The following NELL1 variants were observed in gnomAD, a reference collection of about 807,000 sequenced individuals.
NELL1 encodes the protein protein kinase C-binding protein NELL1.
NELL1 carries 76 observed loss-of-function variants against 107.4 expected under a neutral mutation model. The observed-to-expected ratio is 0.71, with a 90% CI of 0.59 to 0.86. The LOEUF (loss-of-function observed/expected upper bound fraction) is 0.86, where lower values mean the gene tolerates loss of function less well. Among genes scored for constraint, NELL1 ranks in the 40% least tolerant of loss-of-function variants. The probability of loss-of-function intolerance (pLI) is 0.00; values close to 1 mark genes in which losing one functional copy is unlikely to be tolerated. For synonymous variants in NELL1, 353 were observed against 341.2 expected (o/e 1.03, Z -0.38); for missense variants, 1,024 against 1,005.5 (o/e 1.02, Z -0.25).
At chr11:20,704,242 C>G (rs931099426) in intron 2 of NELL1, among the ~76,000 whole-genome samples, 3 of 152,126 alleles carry the variant, frequency 2.0e-5, no homozygotes, top group Non-Finnish European at 4.4e-5. Context: ...TGAATTGATC[C>G]CTTTACCATT....
At chr11:20,905,997 C>T (rs1427359115) in intron 5 of NELL1, among the ~76,000 whole-genome samples, 1 of 152,078 alleles carries the variant, frequency 6.6e-6, no homozygotes, top group East Asian at 1.9e-4. Context: ...TATGATAAAA[C>T]CATCAAAAGA....
chr11:20,864,893 C>T (rs1465029888), intron 4 of NELL1, among the ~76,000 whole-genome samples: 1 of 152,244 alleles, frequency 6.6e-6, no homozygotes, highest in Non-Finnish European at 1.5e-5. Context: ...TTCAGAGCTT[C>T]CTGGCTGCTC....
At chr11:21,119,751 G>A (rs193202232) in intron 13 of NELL1, among the ~76,000 whole-genome samples, 1 of 152,108 alleles carries the variant, frequency 6.6e-6, no homozygotes, top group East Asian at 1.9e-4. Flanking sequence ...GGTGTTACAG[G>A]GAGGAGGGGT....
intron 2 of NELL1, among the ~76,000 whole-genome samples, chr11:20,698,008 G>A (rs77092039): frequency 0.022 from 3,282 of 152,242 alleles, 128 homozygotes; most frequent in African/African-American, 0.075. Context: ...GCCCAAGTCT[G>A]AATTGTTTTT....
chr11:20,684,796 G>C (rs74907501), intron 2 of NELL1, among the ~76,000 whole-genome samples: 5,381 of 152,148 alleles, frequency 0.035, 333 homozygotes, highest in African/African-American at 0.12. Context: ...AGTGCTAGTA[G>C]TTAGGGTAGA....
intron 14 of NELL1, among the ~76,000 whole-genome samples, chr11:21,298,197 T>C (rs1258760403): frequency 1.3e-5 from 2 of 152,004 alleles, no homozygotes; most frequent in Non-Finnish European, 2.9e-5. Flanking sequence ...TGATTCAAAA[T>C]CTCACTGTGG....
intron 5 of NELL1, among the ~76,000 whole-genome samples, chr11:20,886,008 A>C (rs1849501247): frequency 6.6e-6 from 1 of 152,230 alleles, no homozygotes; most frequent in African/African-American, 2.4e-5. Flanking sequence ...CTGGGAACAG[A>C]AAACCAAATA....
intron 5 of NELL1, among the ~76,000 whole-genome samples, chr11:20,889,943 C>T (rs906617370): frequency 6.6e-6 from 1 of 152,154 alleles, no homozygotes; most frequent in African/African-American, 2.4e-5. Context: ...TCTGAAGAAT[C>T]CGGGCAGTCT....
At chr11:20,755,545 T>TTTTATTTA (rs1564894973) in intron 2 of NELL1, among the ~76,000 whole-genome samples, 1 of 40,498 alleles carries the variant, frequency 2.5e-5, no homozygotes, top group African/African-American at 7.8e-5. Context: ...TTTTTGTTTT[T>TTTTATTTA]TTTTGTTTTT....
At chr11:21,284,644 G>A in intron 14 of NELL1, 1 of 400,382 alleles carries the variant, frequency 2.5e-6, no homozygotes, top group South Asian at 1.8e-5. Flanking sequence ...GTCTGCACAG[G>A]TTTGATTGGT....
chr11:20,881,530 T>C lies in NELL1; in HGVS notation c.507-3914T>C, dbSNP rs542898692. On this transcript the variant is annotated intron_variant, in intron 4 of 19. Transcript: ENST00000357134. ...AAGAACACCCACCTGAGGGTGTTGTTATGAGGATTTAGTAAATTAACATAT... is the reference window on the plus strand; with the variant it reads ...AAGAACACCCACCTGAGGGTGTTGTCATGAGGATTTAGTAAATTAACATAT... 6.6e-5 allele frequency among the ~76,000 whole-genome samples: 10 copies of C among 152,310 alleles called. No individual in the cohort carries two copies. The South Asian group carries it at 1.9e-3, about 28-fold the overall frequency.
intron 15 of NELL1, among the ~76,000 whole-genome samples, chr11:21,400,963 A>T (rs1267296527): frequency 6.6e-6 from 1 of 151,896 alleles, no homozygotes; most frequent in Non-Finnish European, 1.5e-5. Context: ...TACACAGAAA[A>T]TAACACATTT....
intron 13 of NELL1, among the ~76,000 whole-genome samples, chr11:21,207,981 G>A (rs780422031): frequency 1.3e-5 from 2 of 152,082 alleles, no homozygotes; most frequent in South Asian, 2.1e-4. Context: ...CAATAGTGAA[G>A]CATTTAACAT....
chr11:21,478,302 GA>G (rs1191756559), intron 15 of NELL1, among the ~76,000 whole-genome samples: 1 of 152,064 alleles, frequency 6.6e-6, no homozygotes, highest in Non-Finnish European at 1.5e-5. Flanking sequence ...AATTCAAGAT[GA>G]GATTTGGATG....
intron 15 of NELL1, among the ~76,000 whole-genome samples, chr11:21,397,623 G>A (rs1179843225): frequency 6.6e-6 from 1 of 151,438 alleles, no homozygotes; most frequent in Non-Finnish European, 1.5e-5. Flanking sequence ...ACACAAATAG[G>A]TTTTATAGCC....
intron 12 of NELL1, among the ~76,000 whole-genome samples, chr11:21,034,733 G>C (rs1005483504): frequency 3.3e-5 from 5 of 151,920 alleles, no homozygotes; most frequent in Non-Finnish European, 7.4e-5. Context: ...AGAATCTCTG[G>C]GACACAGACC....
chr11:21,266,269 C>G (rs1006490831), intron 14 of NELL1, among the ~76,000 whole-genome samples: 3 of 151,824 alleles, frequency 2.0e-5, no homozygotes, highest in African/African-American at 7.3e-5. Flanking sequence ...TATTTTTTTC[C>G]CTGACATTAA....
chr11:21,409,649 A>G (rs1852327001), intron 15 of NELL1, among the ~76,000 whole-genome samples: 2 of 151,970 alleles, frequency 1.3e-5, no homozygotes, highest in African/African-American at 2.4e-5. Context: ...AAAGAACCTA[A>G]AATTCAGGCT....
chr11:20,863,784 C>T (rs188220922), intron 4 of NELL1, among the ~76,000 whole-genome samples: 24 of 152,284 alleles, frequency 1.6e-4, no homozygotes, highest in African/African-American at 4.8e-4. Flanking sequence ...CATAGCTAGC[C>T]GAGATCACGC....
Sources: allele counts gnomAD v4.1 joint callset (sites outside exome capture counted in the v4.1 genomes callset), GRCh38; gene constraint gnomAD v4.1.1; transcripts MANE v1.5; gene names NCBI Gene and HGNC (gene_info 2026-07-23, HGNC 2026-07-21).